IL6ST: variants seen among roughly 807,000 people sequenced by gnomAD.
IL6ST encodes the protein interleukin 6 cytokine family signal transducer, also known as interleukin-6 receptor subunit beta.
Under a neutral mutation model 91.3 loss-of-function variants are expected in IL6ST, and 24 were observed. The observed-to-expected ratio is 0.26, with a 90% CI of 0.19 to 0.37. IL6ST has a LOEUF of 0.37. IL6ST is among the 10% of genes least tolerant of loss of function. IL6ST has a pLI of 1.00. For missense variants in IL6ST, 914 were observed against 1,078.5 expected, an observed-to-expected ratio of 0.85 and a Z score of 2.14; for synonymous variants, 351 against 373.6, an observed-to-expected ratio of 0.94 and a Z score of 0.70.
At chr5:55,968,723 T>C (rs1043364804) in intron 4 of IL6ST, among the ~76,000 whole-genome samples, 4 of 152,206 alleles carry the variant, frequency 2.6e-5, no homozygotes, top group African/African-American at 9.7e-5. Context: ...AAAAGTAATA[T>C]ATACATATGT....
intron 11 of IL6ST, among the ~76,000 whole-genome samples, chr5:55,954,503 T>C (rs1029723702): frequency 5.3e-5 from 8 of 152,200 alleles, no homozygotes; most frequent in East Asian, 1.9e-4. Context: ...AGAGAACATA[T>C]AACTAATCAG....
At chr5:55,981,135 C>T (rs1753643117) in intron 2 of IL6ST, among the ~76,000 whole-genome samples, 1 of 152,170 alleles carries the variant, frequency 6.6e-6, no homozygotes, top group Admixed American at 6.5e-5. Context: ...TACCATGGAA[C>T]ACAAGCAAAG....
intron 7 of IL6ST, 67 bp downstream of exon 7, chr5:55,963,281 ATGAC>A: frequency 9.1e-7 from 1 of 1,093,662 alleles, no homozygotes; most frequent in Non-Finnish European, 1.3e-6. Context: ...CATTTAGAAA[ATGAC>A]TGAAACTTTT....
At position 55,964,199 on chromosome 5, in the gene IL6ST, T is replaced by C. The variant is rs1244807788; in HGVS notation, c.605A>G (p.Asn202Ser). 2.5e-6 allele frequency: 4 copies of C among 1,610,348 alleles called. No individual in the cohort carries two copies. The highest frequency in any genetic ancestry group is 3.4e-6 in the Non-Finnish European group (4 of 1,177,942). Reference sequence around the variant, plus strand: ...ATCTGATGTAACCTTCCCAAGGGCATTCTCTGCTTCTACCCAGACTTCAAT... The same window carrying C: ...ATCTGATGTAACCTTCCCAAGGGCACTCTCTGCTTCTACCCAGACTTCAAT... ...VNIEVWVEAE[N>S]ALGKVTSDHI... The change falls in exon 6 of 17, where the codon AAT (asparagine) becomes AGT (serine). Residue 202 changes from asparagine (N) to serine (S), a missense_variant. Coordinates refer to ENST00000381298, the MANE Select transcript of IL6ST (RefSeq NM_002184.4).
chr5:55,965,675 A>C (rs1752587561), intron 5 of IL6ST, among the ~76,000 whole-genome samples: 1 of 151,830 alleles, frequency 6.6e-6, no homozygotes, highest in Non-Finnish European at 1.5e-5. Context: ...GAGAGCTATC[A>C]AAGGCTAAGG....
At position 55,976,309 on chromosome 5, in the gene IL6ST, G is replaced by A; in HGVS notation, c.-15-16C>T. Reference sequence around the variant, plus strand: ...GCGGATATTTCTGCAACAGACACATGTAATATTACTTTTAATATTTTTTCT... The same window carrying A: ...GCGGATATTTCTGCAACAGACACATATAATATTACTTTTAATATTTTTTCT... On this transcript the variant is annotated splice_polypyrimidine_tract_variant and intron_variant, in intron 2 of 16. Coordinates refer to ENST00000381298, the MANE Select transcript of IL6ST (RefSeq NM_002184.4). 6.8e-7 allele frequency: 1 copy of A among 1,471,850 alleles called. No individual in the cohort carries two copies. Among genetic ancestry groups the A allele is most frequent in the Non-Finnish European group, 9.3e-7 (1 of 1,075,826 alleles). 91.2% of individuals were successfully genotyped at this position (1,471,850 alleles called of 1,614,324 possible).
intron 2 of IL6ST, among the ~76,000 whole-genome samples, chr5:55,977,831 G>GACAC (rs113287344): frequency 4.4e-4 from 65 of 149,122 alleles, no homozygotes; most frequent in East Asian, 1.6e-3. Context: ...GACACACACA[G>GACAC]ACACACACAC....
At chr5:55,991,922 C>T (rs1448618862) in intron 1 of IL6ST, among the ~76,000 whole-genome samples, 2 of 152,068 alleles carry the variant, frequency 1.3e-5, no homozygotes, top group African/African-American at 4.8e-5. Flanking sequence ...TTTGCTTGAC[C>T]ACACCATGCC....
At chr5:55,981,203 T>C (rs528748959) in intron 2 of IL6ST, among the ~76,000 whole-genome samples, 13 of 152,338 alleles carry the variant, frequency 8.5e-5, no homozygotes, top group African/African-American at 3.1e-4. Context: ...TTTCCTAATT[T>C]TTAAAAGATT....
chr5:55,959,693 A>C lies in IL6ST; in HGVS notation c.973+709T>G, dbSNP rs987560176. The C allele has an allele frequency of 4.9e-6, 6 of 1,232,822 alleles. No individual in the cohort carries two copies. The African/African-American group carries it at 9.3e-5, about 19-fold the overall frequency. The allele number at this position is 1,232,822 out of a possible 1,614,324, so 76.4% of individuals were successfully genotyped here. On this transcript the variant is annotated intron_variant, in intron 8 of 16. Transcript: ENST00000381298. ...AGTGCTATTAGAAAAAAAATGAATA[A>C]AAGGTATAATACAAGTATATTTTTG...
chr5:55,972,651 G>A (rs1753028611), intron 3 of IL6ST, among the ~76,000 whole-genome samples: 1 of 152,118 alleles, frequency 6.6e-6, no homozygotes, highest in Non-Finnish European at 1.5e-5. Context: ...ATTAAGAAAG[G>A]TATCTGATAA....
intron 1 of IL6ST, among the ~76,000 whole-genome samples, chr5:55,992,027 C>CA (rs1754362889): frequency 6.6e-6 from 1 of 152,298 alleles, no homozygotes; most frequent in South Asian, 2.1e-4. Flanking sequence ...CTTGTTCTTT[C>CA]AGTCTGTGCT....
chr5:55,956,188 C>T lies in IL6ST; in HGVS notation c.1104G>A (p.Val368=). ...AATGTGATTTCCATCTTGTGAGAGTCACTTCATAATCCAAGATTTTTCCAT... is the reference window on the plus strand; with the variant it reads ...AATGTGATTTCCATCTTGTGAGAGTTACTTCATAATCCAAGATTTTTCCAT... The part of the protein sequence containing the change: ...EANGKILDYE[V]TLTRWKSHLQ... Residue 368 remains valine (V), a synonymous_variant, in exon 10 of 17, where the codon GTG becomes GTA. Transcript: ENST00000381298. 6.2e-7 allele frequency: 1 copy of T among 1,612,210 alleles called. No individual in the cohort carries two copies. The highest frequency in any genetic ancestry group is 8.5e-7 in the Non-Finnish European group (1 of 1,178,396).
rs1433869493 is a variant in IL6ST, at chr5:55,937,192, C to A, written c.*3890G>T. On this transcript the variant is annotated 3_prime_UTR_variant, in exon 17 of 17. Coordinates refer to ENST00000381298, the MANE Select transcript of IL6ST (RefSeq NM_002184.4). ...TAAAAAAAACATCTATCACTATCGG[C>A]CTTAAATGCATCTCATCACACGACC... 9.3e-6 allele frequency: 2 copies of A among 214,298 alleles called. No homozygotes were observed. The highest frequency in any genetic ancestry group is 1.9e-5 in the Non-Finnish European group (2 of 106,114). The allele number at this position is 214,298 out of a possible 1,614,324, so 13.3% of individuals were successfully genotyped here. A position where few individuals can be genotyped will look rare whatever the true frequency, so the allele number is the denominator to read the frequency against.
chr5:55,942,231 G>C (rs1750965754), intron 16 of IL6ST, among the ~76,000 whole-genome samples: 1 of 152,030 alleles, frequency 6.6e-6, no homozygotes, highest in South Asian at 2.1e-4. Flanking sequence ...TTCCCCTTTG[G>C]GGCATATTTA....
At chr5:55,981,629 C>T (rs1395684772) in intron 2 of IL6ST, among the ~76,000 whole-genome samples, 12 of 151,472 alleles carry the variant, frequency 7.9e-5, no homozygotes, top group East Asian at 3.9e-4. Flanking sequence ...GGTGACAGAG[C>T]GAGACTCCAT....
At position 55,952,052 on chromosome 5, in the gene IL6ST, G is replaced by C; in HGVS notation, c.1576C>G (p.Arg526Gly). 1.9e-6 allele frequency: 3 copies of C among 1,613,192 alleles called. No individual in the cohort carries two copies. Among genetic ancestry groups the C allele is most frequent in the Non-Finnish European group, 2.5e-6 (3 of 1,179,642 alleles). The change falls in exon 13 of 17, where the codon CGG (arginine) becomes GGG (glycine). Residue 526 changes from arginine to glycine, a missense_variant. Transcript: ENST00000381298. ...QAPPSKGPTV[R>G]TKKVGKNEAV... ...TCGTTTTTCCCTACTTTTTTTGTCC[G>C]AACAGTAGGTCCTTTGGAAGGTGCT... is the stretch of plus-strand genomic sequence containing the variant.
In IL6ST at chr5:55,941,223, A is replaced by T; in HGVS notation, c.2616T>A (p.Ser872=). 1 of 1,614,232 alleles carries T rather than the reference A, an allele frequency of 6.2e-7. No individual in the cohort carries two copies. Among genetic ancestry groups the T allele is most frequent in the Non-Finnish European group, 8.5e-7 (1 of 1,180,018 alleles). The change falls in exon 17 of 17, where the codon TCT becomes TCA. Residue 872 remains serine, a synonymous_variant. Transcript: ENST00000381298. ...TACCTGGACCAAAAGCATCTGCTGCAGAAACTTCCTGAAACATTTTCATTT... is the reference window on the plus strand; with the variant it reads ...TACCTGGACCAAAAGCATCTGCTGCTGAAACTTCCTGAAACATTTTCATTT... The part of the protein sequence containing the change: ...SGQMKMFQEV[S]AADAFGPGTE...
rs1330764235 is a variant in IL6ST at position 55,969,845 on chromosome 5, T to C, written c.75A>G (p.Leu25=). ...CAGGACTGATATAACCACATGGATC[T>C]AGAAGTTCACCTAAAAAGGAACAAT... ...FLTTESTGEL[L]DPCGYISPES... The change falls in exon 4 of 17, where the codon CTA becomes CTG. Residue 25 remains leucine (L), a synonymous_variant. Transcript: ENST00000381298. The C allele has an allele frequency of 6.3e-7, 1 of 1,586,260 alleles. No individual in the cohort carries two copies. Among genetic ancestry groups the C allele is most frequent in the Non-Finnish European group, 8.6e-7 (1 of 1,161,566 alleles).
Sources: allele counts gnomAD v4.1 joint callset (sites outside exome capture counted in the v4.1 genomes callset), GRCh38; gene constraint gnomAD v4.1.1; transcripts MANE v1.5; gene names NCBI Gene and HGNC (gene_info 2026-07-23, HGNC 2026-07-21).